ERC1: variants seen among roughly 807,000 people sequenced by gnomAD.
The protein encoded by ERC1 is ELKS/RAB6-interacting/CAST family member 1.
Under a neutral mutation model 132.0 loss-of-function variants are expected in ERC1, and 56 were observed. The observed-to-expected ratio is 0.42, with a 90% CI of 0.34 to 0.53. ERC1 has a LOEUF of 0.53. Among genes scored for constraint, ERC1 ranks in the 20% least tolerant of loss-of-function variants. ERC1 has a pLI of 0.03. For synonymous variants in ERC1, 478 were observed against 476.1 expected, an observed-to-expected ratio of 1.00 and a Z score of -0.05; for missense variants, 1,202 against 1,349.9, an observed-to-expected ratio of 0.89 and a Z score of 1.72.
At chr12:1,390,271 T>G (rs1433515982) in intron 16 of ERC1, among the ~76,000 whole-genome samples, 1 of 152,172 alleles carries the variant, frequency 6.6e-6, no homozygotes, top group African/African-American at 2.4e-5. Context: ...TCTTGATATA[T>G]TTAGAACTGA....
In ERC1 at chr12:1,344,085, C is replaced by T. The variant is rs545585427; in HGVS notation, c.2781-27748C>T. ...CTCGATCTCCTGACCTCGTGATCCC[C>T]CCACTTCGGCCTCCCAAAGTGCTGG... On this transcript the variant is annotated intron_variant, in intron 15 of 18. Coordinates refer to ENST00000360905, the MANE Select transcript of ERC1 (RefSeq NM_178040.4). 6.6e-5 allele frequency among the ~76,000 whole-genome samples: 10 copies of T among 152,302 alleles called. No homozygotes were observed. In the East Asian group the frequency reaches 1.9e-3, roughly 29 times the overall value.
chr12:1,141,505 A>C, intron 7 of ERC1, 115 bp from the exon 8 acceptor site: 2 of 738,660 alleles, frequency 2.7e-6, no homozygotes, highest in Non-Finnish European at 4.1e-6. Context: ...AGATAATACT[A>C]CTTTTATAGA....
chr12:1,283,947 A>G (rs148095655), intron 14 of ERC1, among the ~76,000 whole-genome samples: 1 of 152,290 alleles, frequency 6.6e-6, no homozygotes, highest in African/African-American at 2.4e-5. Context: ...TGAAATTCAC[A>G]ATAAATGATT....
intron 2 of ERC1, among the ~76,000 whole-genome samples, chr12:1,062,854 T>C (rs1277405480): frequency 6.6e-6 from 1 of 152,234 alleles, no homozygotes; most frequent in Non-Finnish European, 1.5e-5. Context: ...TCTCTAGCTC[T>C]AATAATATTT....
At chr12:1,325,341 C>G (rs2082374368) in intron 15 of ERC1, among the ~76,000 whole-genome samples, 1 of 152,074 alleles carries the variant, frequency 6.6e-6, no homozygotes, top group African/African-American at 2.4e-5. Flanking sequence ...TATTTTTAAC[C>G]AGTTTCGAGG....
chr12:1,141,524 ACT>A, intron 7 of ERC1, 94 bp from the exon 8 acceptor site: 1 of 1,004,854 alleles, frequency 1.0e-6, no homozygotes, highest in African/African-American at 1.6e-5. Flanking sequence ...GAATAACAAA[ACT>A]CAACCTCTTT....
intron 3 of ERC1, among the ~76,000 whole-genome samples, chr12:1,103,406 A>G (rs957085269): frequency 6.6e-6 from 1 of 152,236 alleles, no homozygotes; most frequent in African/African-American, 2.4e-5. Flanking sequence ...CAGAGGACTG[A>G]CAAGGACAAC....
At chr12:1,477,161 T>A (rs373779278) in intron 18 of ERC1, among the ~76,000 whole-genome samples, 1 of 151,972 alleles carries the variant, frequency 6.6e-6, no homozygotes. Context: ...CATAGAAGAG[T>A]TATTATGCTA....
intron 8 of ERC1, among the ~76,000 whole-genome samples, chr12:1,142,519 G>GA (rs2154249495): frequency 6.6e-6 from 1 of 152,320 alleles, no homozygotes; most frequent in South Asian, 2.1e-4. Context: ...ACTGCTGAGT[G>GA]AAAGGATGTG....
At chr12:1,432,777 TC>T (rs2092834757) in intron 17 of ERC1, among the ~76,000 whole-genome samples, 1 of 152,220 alleles carries the variant, frequency 6.6e-6, no homozygotes, top group Non-Finnish European at 1.5e-5. Flanking sequence ...ACTGTATCAC[TC>T]TGTGTGTAAT....
chr12:1,082,484 A>AT (rs143154890), intron 2 of ERC1, among the ~76,000 whole-genome samples: 4,135 of 113,674 alleles, frequency 0.036, 118 homozygotes, highest in African/African-American at 0.068. Flanking sequence ...AAAAAAAAAA[A>AT]TTTTTTTTTT....
At chr12:1,042,562 TC>T (rs932241547) in intron 2 of ERC1, among the ~76,000 whole-genome samples, 2 of 149,846 alleles carry the variant, frequency 1.3e-5, no homozygotes, top group Admixed American at 1.3e-4. Context: ...GGTCTCAAAC[TC>T]CTGAACCCAA....
At chr12:1,376,771 A>G (rs1263631325) in intron 16 of ERC1, among the ~76,000 whole-genome samples, 2 of 152,132 alleles carry the variant, frequency 1.3e-5, no homozygotes, top group Admixed American at 1.3e-4. Context: ...TTTTTATGAT[A>G]CTCATTTGTT....
At chr12:1,397,325 C>T (rs2090626884) in intron 16 of ERC1, among the ~76,000 whole-genome samples, 1 of 152,160 alleles carries the variant, frequency 6.6e-6, no homozygotes, top group South Asian at 2.1e-4. Flanking sequence ...CCCACAGACA[C>T]ATCTTCAAAA....
At chr12:1,369,763 A>C (rs147359274) in intron 15 of ERC1, among the ~76,000 whole-genome samples, 1 of 152,276 alleles carries the variant, frequency 6.6e-6, no homozygotes, top group African/African-American at 2.4e-5. Flanking sequence ...TCGTGGTATA[A>C]GTTGCCTGCC....
Position 1,060,672 on chromosome 12 carries a change from C to G in ERC1, c.670-22492C>G, listed in dbSNP as rs1441494164. Among the ~76,000 whole-genome samples the G allele has an allele frequency of 2.0e-5, 3 of 152,024 alleles. 1 individual carries two copies. In the South Asian group the frequency reaches 6.2e-4, roughly 32 times the overall value. On this transcript the variant is annotated intron_variant, in intron 2 of 18. Transcript: ENST00000360905. The stretch of plus-strand genomic sequence containing the variant: ...TATCACAAGAATAGCATGGGAAAGA[C>G]TGGCCCCATGATTCAGTTACCTTCC...
chr12:1,252,097 G>T (rs190991409), intron 13 of ERC1, among the ~76,000 whole-genome samples: 4 of 152,022 alleles, frequency 2.6e-5, no homozygotes, highest in Non-Finnish European at 5.9e-5. Context: ...GGTAATTAGG[G>T]TACTCATCCC....
chr12:1,081,701 G>A (rs1404805628), intron 2 of ERC1, among the ~76,000 whole-genome samples: 1 of 152,154 alleles, frequency 6.6e-6, no homozygotes, highest in African/African-American at 2.4e-5. Context: ...CCGGGGGTAG[G>A]GGGAAATGGA....
chr12:1,418,165 T>G (rs1380257212), intron 17 of ERC1, among the ~76,000 whole-genome samples: 1 of 152,190 alleles, frequency 6.6e-6, no homozygotes, highest in Non-Finnish European at 1.5e-5. Flanking sequence ...TTATTATGCC[T>G]TTGTGTTCAT....
Sources: allele counts gnomAD v4.1 joint callset (sites outside exome capture counted in the v4.1 genomes callset), GRCh38; gene constraint gnomAD v4.1.1; transcripts MANE v1.5; gene names NCBI Gene and HGNC (gene_info 2026-07-23, HGNC 2026-07-21).